Variants in INTS13 observed in about 807,000 individuals in gnomAD.
INTS13 encodes the protein asunder, spermatogenesis regulator homolog (Drosphila).
A neutral mutation model predicts 90.2 loss-of-function variants in INTS13; 35 were observed. The ratio of observed to expected loss-of-function variants is 0.39; its 90% CI spans 0.30 to 0.51. INTS13 has a LOEUF of 0.51. Among genes scored for constraint, INTS13 ranks in the 20% least tolerant of loss-of-function variants. The pLI is 0.80. For missense variants in INTS13, 601 were observed against 851.2 expected (o/e 0.71, Z 3.66); for synonymous variants, 309 against 277.1 (o/e 1.11, Z -1.14).
chr12:26,935,744 T>C (rs1938425502), intron 2 of INTS13, among the ~76,000 whole-genome samples: 1 of 152,198 alleles, frequency 6.6e-6, no homozygotes, highest in African/African-American at 2.4e-5. Flanking sequence ...ATATTTTAAT[T>C]TGGAATATAT....
chr12:26,929,576 A>C lies in INTS13; in HGVS notation c.301-671T>G, dbSNP rs907455810. Among the ~76,000 whole-genome samples, 33 of 151,976 alleles carry C rather than the reference A, an allele frequency of 2.2e-4. 1 individual carries two copies. The highest frequency in any genetic ancestry group is 3.4e-3 in the Middle Eastern group (1 of 294). On this transcript the variant is annotated intron_variant, in intron 3 of 16. Coordinates refer to ENST00000261191, the MANE Select transcript of INTS13 (RefSeq NM_018164.3). Reference sequence around the variant, plus strand: ...TTTCTATAAAAAGAAAAAAAAAAAAAAACTAAAAAATCAGCTAGGTGGGGT... The same window carrying C: ...TTTCTATAAAAAGAAAAAAAAAAAACAACTAAAAAATCAGCTAGGTGGGGT...
At position 26,924,381 on chromosome 12, in the gene INTS13, T is replaced by C. The variant is rs369967358; in HGVS notation, c.778A>G (p.Thr260Ala). 1.7e-5 allele frequency: 27 copies of C among 1,612,828 alleles called. No homozygotes were observed. The African/African-American group carries it at 3.2e-4, about 19-fold the overall frequency. The change falls in exon 7 of 17, where the codon ACT becomes GCT. Residue 260 changes from threonine (T) to alanine (A), a missense_variant. Thr to Ala is a moderately conservative substitution (Grantham distance 58). Around this residue, in one of 3 missense-constraint regions of INTS13, gnomAD observed 284 missense variants for 387.7 expected, o/e 0.73. Coordinates refer to ENST00000261191, the MANE Select transcript of INTS13 (RefSeq NM_018164.3). ...TTCATTGGAATATTTGTAATAGTAG[T>C]TGAAGCCAAGTCAAAATGTTGCTGT... The part of the protein sequence containing the change: ...LVQQHFDLAS[T>A]TITNIPMKEE...
At position 26,925,776 on chromosome 12, in the gene INTS13, A is replaced by G. The variant is rs1937835122; in HGVS notation, c.660T>C (p.Asp220=). The G allele has an allele frequency of 6.2e-7, 1 of 1,609,894 alleles. No individual in the cohort carries two copies. Among genetic ancestry groups the G allele is most frequent in the South Asian group, 1.1e-5 (1 of 90,484 alleles). The stretch of plus-strand genomic sequence containing the variant: ...CAACACTCACCTCTTTTTTAGAACG[A>G]TCAGATACAAGGCTGTCTTCACCAA... ...YPVGEDSLVS[D]RSKKELSPVL... The change falls in exon 6 of 17, where the codon GAT becomes GAC. Residue 220 remains aspartate (D), a synonymous_variant. Coordinates refer to ENST00000261191, the MANE Select transcript of INTS13 (RefSeq NM_018164.3).
intron 8 of INTS13, among the ~76,000 whole-genome samples, chr12:26,921,447 T>C (rs1952116476): frequency 6.6e-6 from 1 of 152,224 alleles, no homozygotes. Flanking sequence ...TCAGTATTTG[T>C]TCTATTAGCC....
Position 26,911,218 on chromosome 12 carries a change from A to T in INTS13, c.1905T>A (p.Leu635=). ...DSPEPPNKKP[L]VEMDETPQVE... Reference sequence around the variant, plus strand: ...CTTGTGGAGTTTCATCCATTTCAACAAGGGGTTTTTTGTTTGGAGGTTCTG... The same window carrying T: ...CTTGTGGAGTTTCATCCATTTCAACTAGGGGTTTTTTGTTTGGAGGTTCTG... The change falls in exon 15 of 17, where the codon CTT becomes CTA. Residue 635 remains leucine (L), a synonymous_variant. Coordinates refer to ENST00000261191, the MANE Select transcript of INTS13 (RefSeq NM_018164.3). 1 of 1,613,904 alleles carries T rather than the reference A, an allele frequency of 6.2e-7. No individual in the cohort carries two copies. Among genetic ancestry groups the T allele is most frequent in the Non-Finnish European group, 8.5e-7 (1 of 1,179,944 alleles).
At chr12:26,912,161 G>A (rs897632519) in intron 14 of INTS13, among the ~76,000 whole-genome samples, 3 of 152,210 alleles carry the variant, frequency 2.0e-5, no homozygotes, top group East Asian at 3.9e-4. Context: ...TTCGTCAGTC[G>A]CAGTGGCTCA....
chr12:26,906,308 T>C lies in INTS13; in HGVS notation c.2075A>G (p.Glu692Gly). The C allele has an allele frequency of 6.2e-7, 1 of 1,601,464 alleles. No homozygotes were observed. Among genetic ancestry groups the C allele is most frequent in the South Asian group, 1.1e-5 (1 of 88,244 alleles). The change falls in exon 16 of 17, where the codon GAA becomes GGA. Residue 692 changes from glutamate (E) to glycine (G), a missense_variant. Physicochemically the swap from Glu to Gly is moderately conservative, Grantham distance 98 (BLOSUM62 -2). Around this residue, in one of 3 missense-constraint regions of INTS13, gnomAD observed 228 missense variants for 272.5 expected, o/e 0.84. Coordinates refer to ENST00000261191, the MANE Select transcript of INTS13 (RefSeq NM_018164.3). ...RAELYQHLKE[E>G]NGMETTENGK... ...GACAATAAGTAACACAAACCCATTT[T>C]CCTCTTTAAGATGTTGATATAGTTC...
At chr12:26,924,159 A>T (rs968494472) in intron 7 of INTS13, among the ~76,000 whole-genome samples, 196 bp downstream of exon 7, 1 of 152,126 alleles carries the variant, frequency 6.6e-6, no homozygotes, top group African/African-American at 2.4e-5. Flanking sequence ...TTATTTATTT[A>T]TTTATTTTTT....
intron 16 of INTS13, 25 bp from the exon 17 acceptor site, chr12:26,905,561 T>C (rs765881892): frequency 1.2e-5 from 20 of 1,601,514 alleles, no homozygotes; most frequent in Non-Finnish European, 1.6e-5. Context: ...AAAAAACGAG[T>C]TGATAAAATA....
chr12:26,907,034 C>T (rs1317045180), intron 15 of INTS13, among the ~76,000 whole-genome samples: 3 of 152,292 alleles, frequency 2.0e-5, no homozygotes, highest in Admixed American at 2.0e-4. Flanking sequence ...TCTCAAAAGC[C>T]AAGTTCCCAG....
chr12:26,914,039 A>G lies in INTS13; in HGVS notation c.1509T>C (p.Asp503=). ...NCQKTIYNLV[D]MERKNDPLPI... ...GTAGAGGATCATTTTTTCTTTCCAT[A>G]TCAACTAAGTTGTATATTGTTTTTT... The change falls in exon 13 of 17, where the codon GAT becomes GAC. Residue 503 remains aspartate (D), a synonymous_variant. Coordinates refer to ENST00000261191, the MANE Select transcript of INTS13 (RefSeq NM_018164.3). The G allele has an allele frequency of 1.9e-6, 3 of 1,611,566 alleles. No homozygotes were observed. The highest frequency in any genetic ancestry group is 1.7e-6 in the Non-Finnish European group (2 of 1,179,082).
In INTS13 at chr12:26,906,439, T is replaced by C. The variant is rs1951612322; in HGVS notation, c.1946-2A>G. ...ACAAGGATAATAACGACACTGGCCC[T>C]AGTGTTATATTTAAAAGGAGAGAGA... On this transcript the variant is annotated splice_acceptor_variant, in intron 15 of 16. Transcript: ENST00000261191. LOFTEE classifies it high-confidence loss of function. The C allele has an allele frequency of 3.8e-6, 6 of 1,597,214 alleles. No homozygotes were observed. The highest frequency in any genetic ancestry group is 4.3e-6 in the Non-Finnish European group (5 of 1,174,850).
intron 8 of INTS13, among the ~76,000 whole-genome samples, chr12:26,921,761 T>G (rs1441130571): frequency 1.3e-5 from 2 of 152,136 alleles, no homozygotes; most frequent in Non-Finnish European, 2.9e-5. Flanking sequence ...GTTCAAGAGA[T>G]TCTCCTGCTT....
At chr12:26,930,905 T>C (rs1938151664) in intron 3 of INTS13, among the ~76,000 whole-genome samples, 1 of 152,200 alleles carries the variant, frequency 6.6e-6, no homozygotes, top group Admixed American at 6.5e-5. Context: ...TTCTTAAAAT[T>C]GTTTTTTCAG....
chr12:26,907,420 ATTGACCCATACT>A (rs1362872265), intron 15 of INTS13, among the ~76,000 whole-genome samples: 1 of 152,240 alleles, frequency 6.6e-6, no homozygotes, highest in African/African-American at 2.4e-5. Flanking sequence ...AAGGATTAAT[ATTGACCCATACT>A]TTGTACCTTA....
At chr12:26,935,211 G>A (rs115555853) in intron 2 of INTS13, among the ~76,000 whole-genome samples, 78 of 152,214 alleles carry the variant, frequency 5.1e-4, no homozygotes, top group African/African-American at 1.8e-3. Flanking sequence ...TAATGGATAT[G>A]GTCTTTACGC....
Position 26,913,529 on chromosome 12 carries a change from T to C in INTS13, c.1733A>G (p.Glu578Gly). The C allele has an allele frequency of 1.9e-6, 3 of 1,614,140 alleles. No individual in the cohort carries two copies. Among genetic ancestry groups the C allele is most frequent in the Non-Finnish European group, 2.5e-6 (3 of 1,180,024 alleles). Residue 578 changes from glutamate to glycine, a missense_variant, in exon 14 of 17, where the codon GAA becomes GGA. This residue lies in a region of INTS13 where 228 missense variants were observed against 272.5 expected (regional missense o/e 0.84). Coordinates refer to ENST00000261191, the MANE Select transcript of INTS13 (RefSeq NM_018164.3). ...EERKKRGRKREDKEDKSEKAV... is the reference protein window; with the variant it reads ...EERKKRGRKRGDKEDKSEKAV... ...TTTCTCTGACTTGTCCTCTTTGTCT[T>C]CCCTCTTTCTTCCTCGTTTCTTTCG...
intron 2 of INTS13, 73 bp from the exon 3 acceptor site, chr12:26,934,703 AT>A: frequency 9.0e-7 from 1 of 1,106,432 alleles, no homozygotes; most frequent in African/African-American, 1.5e-5. Context: ...TTCAAGTAAT[AT>A]GCAATTTGTA....
rs760346796 is a variant in INTS13 at position 26,925,858 on chromosome 12, G to C, written c.585-7C>G. On this transcript the variant is annotated splice_polypyrimidine_tract_variant and splice_region_variant and intron_variant, in intron 5 of 16. Transcript: ENST00000261191. Reference sequence around the variant, plus strand: ...TTTTTGAATCTGCATGAGACTTAAAGAGAAATTTTTGACTTAAAATTTAAG... The same window carrying C: ...TTTTTGAATCTGCATGAGACTTAAACAGAAATTTTTGACTTAAAATTTAAG... The C allele has an allele frequency of 5.6e-6, 9 of 1,607,200 alleles. No homozygotes were observed. The highest frequency in any genetic ancestry group is 1.7e-4 in the Middle Eastern group (1 of 6,036).
Sources: allele counts gnomAD v4.1 joint callset (sites outside exome capture counted in the v4.1 genomes callset), GRCh38; gene constraint gnomAD v4.1.1; regional missense constraint gnomAD v4.1.1; transcripts MANE v1.5; gene names NCBI Gene and HGNC (gene_info 2026-07-23, HGNC 2026-07-21).